The following AFF2 variants were observed in gnomAD, a reference collection of about 807,000 sequenced individuals.
AFF2 encodes ALF transcription elongation factor 2.
In AFF2, 14 loss-of-function variants were observed where a neutral mutation model predicts 76.9. That is an observed-to-expected ratio of 0.18 (90% CI 0.12 to 0.28). The LOEUF is 0.28. AFF2 is among the 10% of genes least tolerant of loss of function. The probability of loss-of-function intolerance (pLI) is 1.00; values close to 1 mark genes in which losing one functional copy is unlikely to be tolerated. For missense variants in AFF2, 868 were observed against 1,001.1 expected (o/e 0.87, Z 1.79); for synonymous variants, 398 against 366.7 (o/e 1.09, Z -0.98).
At chrX:148,635,485 A>C (rs781872702) in intron 1 of AFF2, among the ~76,000 whole-genome samples, 1 of 111,801 alleles carries the variant, frequency 8.9e-6, no homozygotes, top group Admixed American at 9.5e-5. Flanking sequence ...AAAGAGAATA[A>C]TTTTTTTGTT....
intron 8 of AFF2, among the ~76,000 whole-genome samples, chrX:148,888,338 T>C (rs2071184085): frequency 8.9e-6 from 1 of 112,493 alleles, no homozygotes; most frequent in African/African-American, 3.2e-5. Flanking sequence ...CGATGTCATG[T>C]ATCAGTACTT....
At chrX:148,870,882 A>G (rs1304839166) in intron 7 of AFF2, among the ~76,000 whole-genome samples, 1 of 111,903 alleles carries the variant, frequency 8.9e-6, no homozygotes, top group African/African-American at 3.2e-5. Context: ...ATAATCTCAC[A>G]GGGACAAGGC....
chrX:148,634,329 A>C (rs1166769125), intron 1 of AFF2, among the ~76,000 whole-genome samples: 2 of 111,958 alleles, frequency 1.8e-5, no homozygotes, highest in Non-Finnish European at 3.8e-5. Context: ...ATGAGTAACC[A>C]CAGATTTCAT....
chrX:148,504,301 A>C (rs1195043518), intron 1 of AFF2, among the ~76,000 whole-genome samples: 7 of 111,415 alleles, frequency 6.3e-5, no homozygotes, highest in Non-Finnish European at 1.3e-4. Context: ...GAAGGAAGGA[A>C]AGGAAAGAAA....
chrX:148,702,084 G>A (rs1557261933), intron 3 of AFF2, among the ~76,000 whole-genome samples: 1 of 111,782 alleles, frequency 8.9e-6, no homozygotes, highest in Non-Finnish European at 1.9e-5. Flanking sequence ...TACTGGAAAA[G>A]TACTTAATAT....
intron 3 of AFF2, among the ~76,000 whole-genome samples, chrX:148,754,386 CT>C (rs1294946701): frequency 5.1e-4 from 53 of 104,407 alleles, no homozygotes; most frequent in Non-Finnish European, 7.3e-4. Flanking sequence ...TTTTTAAAGT[CT>C]TTTTTTTTTT....
At chrX:148,547,777 C>T (rs113613438) in intron 1 of AFF2, among the ~76,000 whole-genome samples, 2,103 of 111,878 alleles carry the variant, frequency 0.019, 36 homozygotes, top group African/African-American at 0.065. Context: ...TTCAGAAGCT[C>T]TAAAGAGAGA....
chrX:148,906,445 G>A (rs1557281440), intron 9 of AFF2, among the ~76,000 whole-genome samples: 1 of 111,894 alleles, frequency 8.9e-6, no homozygotes, highest in African/African-American at 3.3e-5. Context: ...CCTAAGCCTA[G>A]CTGGGGAAGG....
intron 3 of AFF2, among the ~76,000 whole-genome samples, chrX:148,684,008 C>T (rs1262227736): frequency 9.0e-6 from 1 of 111,681 alleles, no homozygotes; most frequent in Non-Finnish European, 1.9e-5. Flanking sequence ...TTCACCCATA[C>T]TTAATATCTC....
chrX:148,821,874 G>C (rs2070332275), intron 4 of AFF2, among the ~76,000 whole-genome samples: 2 of 111,472 alleles, frequency 1.8e-5, no homozygotes, highest in Non-Finnish European at 3.8e-5. Context: ...ACACAAAGGT[G>C]ACAAGTGTAG....
chrX:148,572,455 C>T (rs781862265), intron 1 of AFF2, among the ~76,000 whole-genome samples: 8 of 111,906 alleles, frequency 7.1e-5, no homozygotes, highest in Admixed American at 2.8e-4. Flanking sequence ...AAAACTTGTA[C>T]TGGAGTGTTC....
At chrX:148,710,871 A>T (rs782240771) in intron 3 of AFF2, among the ~76,000 whole-genome samples, 55 of 111,901 alleles carry the variant, frequency 4.9e-4, no homozygotes, top group African/African-American at 1.8e-3. Context: ...GGCCAAGGTC[A>T]GTTGACTGGA....
chrX:148,581,296 G>A lies in AFF2; in HGVS notation c.48-70703G>A, dbSNP rs201921936. Among the ~76,000 whole-genome samples the A allele has an allele frequency of 0.012, 347 of 30,170 alleles. 41 individuals are homozygous for A. In the East Asian group the frequency reaches 0.46, roughly 40 times the overall value. The allele number at this position is 30,170 out of a possible 115,157, so 26.2% of individuals were successfully genotyped here. On this transcript the variant is annotated intron_variant, in intron 1 of 20. Coordinates refer to ENST00000370460, the MANE Select transcript of AFF2 (RefSeq NM_002025.4). ...CATATACACGTATATACGTATACGT[G>A]TACACACATATACGTATACGTGTAC...
chrX:148,773,830 C>A (rs782396494), intron 3 of AFF2, among the ~76,000 whole-genome samples: 2 of 111,144 alleles, frequency 1.8e-5, no homozygotes, highest in Non-Finnish European at 3.8e-5. Context: ...GCCCTTAAAG[C>A]TGGGAAGAAG....
intron 1 of AFF2, among the ~76,000 whole-genome samples, chrX:148,542,876 G>A (rs1049317297): frequency 2.7e-5 from 3 of 112,205 alleles, no homozygotes; most frequent in African/African-American, 6.5e-5. Context: ...GGTCATCCCC[G>A]TCTTCATCAC....
intron 3 of AFF2, among the ~76,000 whole-genome samples, chrX:148,796,947 A>G (rs1168992478): frequency 7.1e-5 from 8 of 112,282 alleles, no homozygotes; most frequent in Admixed American, 6.6e-4. Context: ...ATTTTTGAAA[A>G]TGACATCTAA....
chrX:148,843,904 T>C (rs1364289437), intron 7 of AFF2, among the ~76,000 whole-genome samples: 1 of 111,088 alleles, frequency 9.0e-6, no homozygotes, highest in Admixed American at 9.6e-5. Context: ...TACTATCACC[T>C]TGGGGGTGAG....
At chrX:148,814,742 G>A (rs1404164299) in intron 4 of AFF2, among the ~76,000 whole-genome samples, 1 of 111,333 alleles carries the variant, frequency 9.0e-6, no homozygotes, top group Non-Finnish European at 1.9e-5. Context: ...AACAGTTTTA[G>A]CATGGAAAAA....
intron 8 of AFF2, among the ~76,000 whole-genome samples, chrX:148,892,453 G>A (rs1290141458): frequency 9.0e-6 from 1 of 110,848 alleles, no homozygotes; most frequent in African/African-American, 3.3e-5. Flanking sequence ...TTGTTTGGTG[G>A]TGGTCATGGT....
Sources: gnomAD v4.1 joint callset for allele counts (sites outside exome capture counted in the v4.1 genomes callset) on GRCh38, gnomAD v4.1.1 for gene constraint, MANE v1.5 for transcripts, NCBI Gene and HGNC (gene_info 2026-07-23, HGNC 2026-07-21) for gene names.